PIP5K1B: variants seen among roughly 807,000 people sequenced by gnomAD.
PIP5K1B encodes the protein phosphatidylinositol-4-phosphate 5-kinase type 1 beta, also known as phosphatidylinositol 4-phosphate 5-kinase type-1 beta.
PIP5K1B carries 42 observed loss-of-function variants against 67.0 expected under a neutral mutation model. That is an observed-to-expected ratio of 0.63 (90% CI 0.49 to 0.81). The LOEUF is 0.81. Ranked by LOEUF, PIP5K1B falls within the 30% of genes least tolerant of loss-of-function variation. PIP5K1B has a pLI of 0.00. For missense variants in PIP5K1B, 459 were observed against 646.3 expected (o/e 0.71, Z 3.14); for synonymous variants, 214 against 231.4 (o/e 0.92, Z 0.68).
At chr9:69,001,742 G>A (rs1288214565) in intron 15 of PIP5K1B, among the ~76,000 whole-genome samples, 1 of 151,934 alleles carries the variant, frequency 6.6e-6, no homozygotes, top group East Asian at 1.9e-4. Context: ...CAACACATGG[G>A]GATTACAATT....
chr9:68,883,835 C>T (rs923588844), intron 6 of PIP5K1B, among the ~76,000 whole-genome samples: 5 of 152,128 alleles, frequency 3.3e-5, no homozygotes, highest in African/African-American at 1.2e-4. Context: ...AACACACACA[C>T]ACACACACAC....
chr9:68,881,531 G>A (rs1161894668), intron 6 of PIP5K1B, among the ~76,000 whole-genome samples: 1 of 152,196 alleles, frequency 6.6e-6, no homozygotes, highest in Non-Finnish European at 1.5e-5. Context: ...CCATACTTAG[G>A]TGTGATATTG....
At chr9:68,953,897 C>G (rs1336483581) in intron 14 of PIP5K1B, among the ~76,000 whole-genome samples, 4 of 151,646 alleles carry the variant, frequency 2.6e-5, no homozygotes, top group Admixed American at 2.6e-4. Flanking sequence ...GCTGGTCAGA[C>G]TCCCTATAGG....
At chr9:68,799,816 T>C (rs933440904) in intron 2 of PIP5K1B, among the ~76,000 whole-genome samples, 3 of 152,142 alleles carry the variant, frequency 2.0e-5, no homozygotes, top group Non-Finnish European at 1.5e-5. Flanking sequence ...CTTCATGACA[T>C]TGGTTTTGGC....
intron 2 of PIP5K1B, among the ~76,000 whole-genome samples, chr9:68,779,364 TCA>T (rs1186299415): frequency 6.6e-6 from 1 of 152,218 alleles, no homozygotes; most frequent in Non-Finnish European, 1.5e-5. Flanking sequence ...TAAATAGTTC[TCA>T]GATTTACTTT....
At chr9:68,956,634 C>T (rs1369803269) in intron 14 of PIP5K1B, among the ~76,000 whole-genome samples, 1 of 152,170 alleles carries the variant, frequency 6.6e-6, no homozygotes, top group Non-Finnish European at 1.5e-5. Flanking sequence ...GTATTTTTTG[C>T]ATATTCATAT....
At chr9:68,729,720 T>C (rs971007930) in intron 1 of PIP5K1B, among the ~76,000 whole-genome samples, 17 of 152,098 alleles carry the variant, frequency 1.1e-4, no homozygotes, top group Admixed American at 1.1e-3. Context: ...GTAAAAGCAA[T>C]ACAATCTGAA....
At chr9:68,839,080 T>G (rs762221015) in intron 4 of PIP5K1B, among the ~76,000 whole-genome samples, 24 of 152,212 alleles carry the variant, frequency 1.6e-4, no homozygotes, top group Non-Finnish European at 3.2e-4. Flanking sequence ...GCAAGTTATT[T>G]TGGGGTGGGC....
At chr9:68,741,373 A>G (rs1234779216) in intron 1 of PIP5K1B, among the ~76,000 whole-genome samples, 1 of 152,122 alleles carries the variant, frequency 6.6e-6, no homozygotes, top group East Asian at 1.9e-4. Flanking sequence ...GCACTCTCCA[A>G]ACTAAGCACC....
At chr9:68,810,886 G>A (rs1026680844) in intron 2 of PIP5K1B, among the ~76,000 whole-genome samples, 1 of 152,186 alleles carries the variant, frequency 6.6e-6, no homozygotes, top group African/African-American at 2.4e-5. Flanking sequence ...AAAATGCGGT[G>A]CAATATTGAT....
Position 68,888,970 on chromosome 9 carries a change from T to TA in PIP5K1B, c.319-10dup. The TA allele has an allele frequency of 6.3e-7, 1 of 1,584,288 alleles. No homozygotes were observed. The highest frequency in any genetic ancestry group is 8.7e-7 in the Non-Finnish European group (1 of 1,153,678). ...GTATATGTTTTAATGTTTATTCATT[T>TA]ACCCTTTTAGTATTCCATCTGCAGT... On this transcript the variant is annotated splice_polypyrimidine_tract_variant and intron_variant, in intron 6 of 15. Transcript: ENST00000265382.
chr9:68,994,913 A>T (rs556907590), intron 15 of PIP5K1B, among the ~76,000 whole-genome samples: 1 of 152,158 alleles, frequency 6.6e-6, no homozygotes, highest in East Asian at 1.9e-4. Context: ...AGGTGGGAAG[A>T]TTGCTTGAGG....
intron 2 of PIP5K1B, among the ~76,000 whole-genome samples, chr9:68,772,524 T>C (rs1271718833): frequency 6.6e-6 from 1 of 152,188 alleles, no homozygotes; most frequent in East Asian, 1.9e-4. Context: ...GATTAACAAA[T>C]GGCTTGCTGC....
chr9:68,992,192 A>G (rs1421805106), intron 15 of PIP5K1B, among the ~76,000 whole-genome samples: 1 of 1,260 alleles, frequency 7.9e-4, no homozygotes, highest in East Asian at 0.12. Flanking sequence ...CAAACTCCCG[A>G]CCTCAGGTAT....
intron 2 of PIP5K1B, among the ~76,000 whole-genome samples, chr9:68,807,711 C>T (rs1413642801): frequency 6.6e-6 from 1 of 152,064 alleles, no homozygotes; most frequent in Non-Finnish European, 1.5e-5. Flanking sequence ...GTTTTATTTG[C>T]ATATAGTGTA....
At chr9:68,854,145 T>C (rs1265504418) in intron 4 of PIP5K1B, among the ~76,000 whole-genome samples, 2 of 150,672 alleles carry the variant, frequency 1.3e-5, no homozygotes, top group South Asian at 4.2e-4. Context: ...TTTTTTTTTT[T>C]TTTGAGACAG....
chr9:68,893,539 A>G (rs916875253), intron 7 of PIP5K1B, among the ~76,000 whole-genome samples: 1 of 151,936 alleles, frequency 6.6e-6, no homozygotes, highest in Non-Finnish European at 1.5e-5. Flanking sequence ...TCACCATGCT[A>G]GCCAGGCTGG....
rs769447160 is a variant in PIP5K1B at position 68,934,904 on chromosome 9, C to A, written c.1216C>A (p.Pro406Thr). 6.2e-7 allele frequency: 1 copy of A among 1,609,864 alleles called. No individual in the cohort carries two copies. Among genetic ancestry groups the A allele is most frequent in the South Asian group, 1.1e-5 (1 of 90,162 alleles). ...FKKIQALKAS[P>T]SKKRCNSIAA... ...TTTCTGTCTAGCTTTGAAGGCTTCA[C>A]CGTCTAAGAAACGGTGCAATTCAAT... Residue 406 changes from proline (P) to threonine (T), a missense_variant, in exon 13 of 16, where the codon CCG becomes ACG. By Grantham distance (38) the Pro-to-Thr change is conservative. Around this residue, in one of 2 missense-constraint regions of PIP5K1B, gnomAD observed 169 missense variants for 171.9 expected, o/e 0.98. Transcript: ENST00000265382.
At chr9:68,941,209 G>A in intron 14 of PIP5K1B, 2 of 426,634 alleles carry the variant, frequency 4.7e-6, no homozygotes, top group East Asian at 7.1e-5. Context: ...CTCCCCCAAA[G>A]CTATCCACAT....
Sources: gnomAD v4.1 joint callset for allele counts (sites outside exome capture counted in the v4.1 genomes callset) on GRCh38, gnomAD v4.1.1 for gene constraint, gnomAD v4.1.1 regional missense constraint, MANE v1.5 for transcripts, NCBI Gene and HGNC (gene_info 2026-07-23, HGNC 2026-07-21) for gene names.